The following RP1 variants were observed in gnomAD, a reference collection of about 807,000 sequenced individuals.
The protein encoded by RP1 is oxygen-regulated protein 1.
RP1 carries 16 observed loss-of-function variants against 14.8 expected under a neutral mutation model. The ratio of observed to expected loss-of-function variants is 1.08; its 90% CI spans 0.73 to 1.65. The LOEUF (loss-of-function observed/expected upper bound fraction) is 1.65, where lower values mean the gene tolerates loss of function less well. RP1 is among the 40% of genes most tolerant of loss of function. RP1 has a pLI of 0.00. For missense variants in RP1, 2,631 were observed against 2,535.0 expected (o/e 1.04, Z -0.81); for synonymous variants, 876 against 883.6 (o/e 0.99, Z 0.15).
intron 23 of RP1, among the ~76,000 whole-genome samples, chr8:54,782,407 C>A (rs979607861): frequency 6.6e-6 from 1 of 152,074 alleles, no homozygotes; most frequent in Non-Finnish European, 1.5e-5. Flanking sequence ...TGGGGAGTAG[C>A]ATTGTGTTTT....
intron 24 of RP1, among the ~76,000 whole-genome samples, chr8:54,808,575 G>T (rs1017961289): frequency 1.3e-5 from 2 of 152,218 alleles, no homozygotes; most frequent in African/African-American, 4.8e-5. Flanking sequence ...CCAGCTAGTT[G>T]TTACAGAGCA....
chr8:54,574,710 T>C (rs1040662173), intron 1 of RP1, among the ~76,000 whole-genome samples: 1 of 62,866 alleles, frequency 1.6e-5, no homozygotes, highest in Non-Finnish European at 4.5e-5. Flanking sequence ...ATCTATGTTG[T>C]TGGATTAAAA....
intron 3 of RP1, among the ~76,000 whole-genome samples, chr8:54,645,900 G>C (rs1473096574): frequency 6.6e-6 from 1 of 151,898 alleles, no homozygotes; most frequent in African/African-American, 2.4e-5. Context: ...GTCTGCTCTG[G>C]TAAATTGAGT....
intron 17 of RP1, among the ~76,000 whole-genome samples, chr8:54,730,724 C>T (rs982136028): frequency 1.3e-5 from 2 of 151,960 alleles, no homozygotes; most frequent in Non-Finnish European, 2.9e-5. Context: ...GTTAGGATGC[C>T]TTTGATTATG....
chr8:54,736,363 G>T (rs1808921670), intron 18 of RP1, among the ~76,000 whole-genome samples: 1 of 152,178 alleles, frequency 6.6e-6, no homozygotes, highest in Non-Finnish European at 1.5e-5. Context: ...AAGCCTTGGA[G>T]TCAGAGACCA....
chr8:54,672,852 C>T (rs1807208394), intron 7 of RP1, among the ~76,000 whole-genome samples: 2 of 152,080 alleles, frequency 1.3e-5, no homozygotes, highest in South Asian at 2.1e-4. Flanking sequence ...TTTCATTATG[C>T]GTTTCTTCTC....
At chr8:54,609,731 A>G (rs1190474173) in intron 1 of RP1, among the ~76,000 whole-genome samples, 1 of 152,154 alleles carries the variant, frequency 6.6e-6, no homozygotes, top group Non-Finnish European at 1.5e-5. Flanking sequence ...AGAAGCAGTC[A>G]GAAGGGAAGG....
chr8:54,648,976 C>G (rs575344588), intron 3 of RP1: 2 of 1,487,396 alleles, frequency 1.3e-6, no homozygotes, highest in Admixed American at 5.0e-5. Context: ...GTTATTTTTT[C>G]TTTTATAGGT....
rs1246397238 is a variant in RP1, at chr8:54,621,331, G to GGC, written c.368_369dup (p.Pro124AlafsTer20). The GGC allele has an allele frequency of 5.0e-6, 8 of 1,611,724 alleles. No individual in the cohort carries two copies. The highest frequency in any genetic ancestry group is 6.8e-6 in the Non-Finnish European group (8 of 1,178,960). On this transcript the variant is annotated frameshift_variant, in exon 2 of 4. Coordinates refer to ENST00000220676, the MANE Select transcript of RP1 (RefSeq NM_006269.2). LOFTEE classifies it high-confidence loss of function. Reference sequence around the variant, plus strand: ...CCTGTAGACCTGGACAAAGCCCGTCGGCGCCCGCGGCCCTGGCTCAGCAGC... The same window carrying GGC: ...CCTGTAGACCTGGACAAAGCCCGTCGGCGCGCCCGCGGCCCTGGCTCAGCAGC...
At chr8:54,809,775 G>A (rs577497674) in intron 24 of RP1, among the ~76,000 whole-genome samples, 16 of 152,318 alleles carry the variant, frequency 1.1e-4, no homozygotes, top group South Asian at 2.1e-4. Flanking sequence ...AAAGTAAGTG[G>A]TGACTTCAGC....
downstream of RP1, among the ~76,000 whole-genome samples, chr8:54,774,069 T>C (rs1225055014): frequency 1.3e-5 from 2 of 152,218 alleles, no homozygotes; most frequent in Non-Finnish European, 2.9e-5. Context: ...GAACATAAAA[T>C]ATTCTATCAC....
In RP1 at chr8:54,625,938, C is replaced by A. The variant is rs1554519533; in HGVS notation, c.2056C>A (p.Gln686Lys). 1 of 1,613,700 alleles carries A rather than the reference C, an allele frequency of 6.2e-7. No homozygotes were observed. The highest frequency in any genetic ancestry group is 1.7e-5 in the Admixed American group (1 of 59,984). ...ACAGCAAGCAATAAATTCCAGGTAT[C>A]AAGATGGACAGCTTGCAACCAAAGG... ...SRQQAINSRY[Q>K]DGQLATKGIL... Residue 686 changes from glutamine to lysine, a missense_variant, in exon 4 of 4, where the codon CAA becomes AAA. Physicochemically the swap from Gln to Lys is moderately conservative, Grantham distance 53. Coordinates refer to ENST00000220676, the MANE Select transcript of RP1 (RefSeq NM_006269.2).
rs531451716 is a variant in RP1 at position 54,794,168 on chromosome 8, A to G, written c.3615+10458A>G. Among the ~76,000 whole-genome samples the G allele has an allele frequency of 2.5e-3, 382 of 152,050 alleles. 4 individuals are homozygous for G. Among genetic ancestry groups the G allele is most frequent in the Non-Finnish European group, 2.9e-3 (195 of 67,840 alleles). On this transcript the variant is annotated intron_variant, in intron 24 of 28. Transcript: ENST00000637698. ...AATTTACAGATTCAGTGAAATTCCT[A>G]TCAAAATTTCAATAGCATTTTTGAC...
chr8:54,604,986 C>T (rs933158692), intron 1 of RP1, among the ~76,000 whole-genome samples: 1 of 152,096 alleles, frequency 6.6e-6, no homozygotes, highest in Non-Finnish European at 1.5e-5. Context: ...TTTCAAAAAA[C>T]CAGCTCCTGG....
intron 24 of RP1, among the ~76,000 whole-genome samples, chr8:54,789,374 A>C (rs998921828): frequency 6.6e-6 from 1 of 152,178 alleles, no homozygotes; most frequent in Non-Finnish European, 1.5e-5. Flanking sequence ...GCAATGAGCC[A>C]AGCCAATGAC....
intron 17 of RP1, among the ~76,000 whole-genome samples, chr8:54,729,142 A>G (rs190804868): frequency 6.6e-6 from 1 of 152,352 alleles, no homozygotes; most frequent in African/African-American, 2.4e-5. Context: ...GATGCTCTGA[A>G]CTGAAATTGC....
chr8:54,622,407 G>T, intron 3 of RP1, 119 bp downstream of exon 3: 5 of 833,850 alleles, frequency 6.0e-6, no homozygotes, highest in East Asian at 2.6e-5. Context: ...GAAAAGGAGA[G>T]GATTTAAAAA....
chr8:54,775,610 C>G (rs557299960), intron 23 of RP1, among the ~76,000 whole-genome samples: 1 of 152,150 alleles, frequency 6.6e-6, no homozygotes, highest in Non-Finnish European at 1.5e-5. Flanking sequence ...GCTGAACTGC[C>G]CCAGTTGACA....
intron 15 of RP1, among the ~76,000 whole-genome samples, chr8:54,718,369 C>T (rs986496666): frequency 2.0e-5 from 3 of 152,138 alleles, no homozygotes; most frequent in Non-Finnish European, 2.9e-5. Flanking sequence ...AGAAAAGGCA[C>T]AGAGATCAAT....
Sources: allele counts gnomAD v4.1 joint callset (sites outside exome capture counted in the v4.1 genomes callset), GRCh38; gene constraint gnomAD v4.1.1; transcripts MANE v1.5; gene names NCBI Gene and HGNC (gene_info 2026-07-23, HGNC 2026-07-21).